The following MKLN1 variants were observed in gnomAD, a reference collection of about 807,000 sequenced individuals.
MKLN1 encodes muskelin 1.
In MKLN1, 18 loss-of-function variants were observed where a neutral mutation model predicts 99.0. The observed-to-expected ratio is 0.18, with a 90% CI of 0.13 to 0.27. MKLN1 has a LOEUF of 0.27. MKLN1 is among the 10% of genes least tolerant of loss of function. The pLI is 1.00. For synonymous variants in MKLN1, 288 were observed against 293.2 expected (o/e 0.98, Z 0.18); for missense variants, 621 against 875.9 (o/e 0.71, Z 3.67).
intron 4 of MKLN1, among the ~76,000 whole-genome samples, chr7:131,392,708 C>T (rs188404502): frequency 2.6e-5 from 4 of 151,156 alleles, no homozygotes; most frequent in Non-Finnish European, 5.9e-5. Flanking sequence ...TGGGTTCAAG[C>T]GATTCTCCTG....
chr7:131,195,131 A>G (rs1796622283), intron 2 of MKLN1, among the ~76,000 whole-genome samples: 2 of 152,194 alleles, frequency 1.3e-5, no homozygotes, highest in African/African-American at 4.8e-5. Context: ...CTATTTTTCA[A>G]ATAGGAGATC....
intron 1 of MKLN1, among the ~76,000 whole-genome samples, chr7:131,329,317 C>T (rs982280899): frequency 1.3e-5 from 2 of 152,178 alleles, no homozygotes; most frequent in Admixed American, 6.5e-5. Flanking sequence ...TGAAGGGTGC[C>T]AAGTGACCTG....
intron 1 of MKLN1, among the ~76,000 whole-genome samples, chr7:131,120,506 G>A (rs1318421059): frequency 7.9e-6 from 1 of 125,924 alleles, no homozygotes; most frequent in Non-Finnish European, 1.6e-5. Context: ...CTGAGATCAC[G>A]CCACTGCACT....
chr7:131,477,493 C>T (rs749315418), intron 16 of MKLN1, among the ~76,000 whole-genome samples: 3 of 151,820 alleles, frequency 2.0e-5, no homozygotes, highest in Non-Finnish European at 2.9e-5. Context: ...GGTGACAGAG[C>T]GAGACCCTGC....
chr7:131,404,273 T>C (rs1794636094), intron 6 of MKLN1, among the ~76,000 whole-genome samples: 1 of 152,130 alleles, frequency 6.6e-6, no homozygotes, highest in African/African-American at 2.4e-5. Context: ...GAGTAGTAGC[T>C]TGGTAGAATT....
rs1797516157 is a variant in MKLN1 at position 131,494,915 on chromosome 7, A to T, written c.*7187A>T. On this transcript the variant is annotated 3_prime_UTR_variant, in exon 18 of 18. Transcript: ENST00000352689. ...CTTTATGCGTACATACTTTATAAATATACATACATACACATACACATACAT... is the reference window on the plus strand; with the variant it reads ...CTTTATGCGTACATACTTTATAAATTTACATACATACACATACACATACAT... 1 of 151,822 alleles carries T rather than the reference A, an allele frequency of 6.6e-6. No individual in the cohort carries two copies. Among genetic ancestry groups the T allele is most frequent in the Non-Finnish European group, 1.5e-5 (1 of 67,836 alleles). The allele number at this position is 151,822 out of a possible 1,614,324, so 9.4% of individuals were successfully genotyped here. A position where few individuals can be genotyped will look rare whatever the true frequency, so the allele number is the denominator to read the frequency against.
At chr7:131,271,716 TTGGTC>T (rs1797887810) in intron 3 of MKLN1, among the ~76,000 whole-genome samples, 1 of 151,748 alleles carries the variant, frequency 6.6e-6, no homozygotes, top group South Asian at 2.1e-4. Flanking sequence ...TGAGACCAGC[TTGGTC>T]AACATGGTGA....
At chr7:131,253,018 G>A (rs10260568) in intron 3 of MKLN1, among the ~76,000 whole-genome samples, 12,831 of 152,182 alleles carry the variant, frequency 0.084, 595 homozygotes, top group Middle Eastern at 0.14. Context: ...TGATTTCCAG[G>A]ATGGTAGTAT....
chr7:131,451,819 C>T (rs1205376841), intron 12 of MKLN1, among the ~76,000 whole-genome samples: 3 of 152,194 alleles, frequency 2.0e-5, no homozygotes, highest in Non-Finnish European at 4.4e-5. Flanking sequence ...CTGTATTTAA[C>T]ACTAATTGAA....
chr7:131,469,100 GCTGA>G (rs1796745313), intron 15 of MKLN1, among the ~76,000 whole-genome samples: 1 of 152,060 alleles, frequency 6.6e-6, no homozygotes, highest in South Asian at 2.1e-4. Flanking sequence ...ACTGACTACT[GCTGA>G]CTTTCTCCCA....
At chr7:131,421,551 A>G (rs573680250) in intron 8 of MKLN1, among the ~76,000 whole-genome samples, 1 of 152,326 alleles carries the variant, frequency 6.6e-6, no homozygotes, top group South Asian at 2.1e-4. Context: ...ATTGATTAAA[A>G]TGGTGATAAT....
At chr7:131,390,047 T>C (rs992616368) in intron 4 of MKLN1, among the ~76,000 whole-genome samples, 1 of 152,182 alleles carries the variant, frequency 6.6e-6, no homozygotes, top group Non-Finnish European at 1.5e-5. Context: ...AATTACTCTT[T>C]TGGAGCAAAC....
chr7:131,424,569 A>G (rs760010511), intron 8 of MKLN1, among the ~76,000 whole-genome samples: 1 of 152,154 alleles, frequency 6.6e-6, no homozygotes, highest in Admixed American at 6.5e-5. Context: ...TTACATTTCT[A>G]CATTATTTTT....
chr7:131,153,033 A>T (rs183338090), intron 2 of MKLN1, among the ~76,000 whole-genome samples: 5,419 of 138,204 alleles, frequency 0.039, 170 homozygotes, highest in African/African-American at 0.068. Flanking sequence ...ATATATATAT[A>T]TTTTTTTTTT....
intron 12 of MKLN1, among the ~76,000 whole-genome samples, chr7:131,454,890 C>A (rs1796289232): frequency 6.6e-6 from 1 of 152,068 alleles, no homozygotes; most frequent in African/African-American, 2.4e-5. Flanking sequence ...GAGAAGGCGG[C>A]CAAGAAAATT....
chr7:131,444,718 G>GAGT lies in MKLN1; in HGVS notation c.1396-1017_1396-1015dup, dbSNP rs60571380. ...GTGTGTACCACCACACCTGGGTTTT[G>GAGT]AGTAGTAGTAGTAGTAGTAGTAGTA... On this transcript the variant is annotated intron_variant, in intron 11 of 17. Coordinates refer to ENST00000352689, the MANE Select transcript of MKLN1 (RefSeq NM_013255.5). Among the ~76,000 whole-genome samples, 595 of 128,582 alleles carry GAGT rather than the reference G, an allele frequency of 4.6e-3. 9 individuals are homozygous for GAGT. Among genetic ancestry groups the GAGT allele is most frequent in the Admixed American group, 0.015 (182 of 12,236 alleles). 84.4% of individuals were successfully genotyped at this position (128,582 alleles called of 152,430 possible). A position where few individuals can be genotyped will look rare whatever the true frequency, so the allele number is the denominator to read the frequency against.
chr7:131,370,453 C>G (rs1204450562), intron 1 of MKLN1, among the ~76,000 whole-genome samples: 2 of 147,250 alleles, frequency 1.4e-5, no homozygotes, highest in Admixed American at 1.3e-4. Context: ...AGATGATTTC[C>G]TGTCACTATT....
At chr7:131,418,877 A>C (rs1795104046) in intron 8 of MKLN1, among the ~76,000 whole-genome samples, 1 of 152,242 alleles carries the variant, frequency 6.6e-6, no homozygotes, top group Non-Finnish European at 1.5e-5. Flanking sequence ...CCTGGAACTC[A>C]ATAGGAAAAG....
chr7:131,357,248 C>A (rs537194131), intron 1 of MKLN1, among the ~76,000 whole-genome samples: 2 of 152,258 alleles, frequency 1.3e-5, no homozygotes, highest in East Asian at 3.9e-4. Context: ...TTTTCTCGAA[C>A]TTCCTTTGTT....
Sources: allele counts gnomAD v4.1 joint callset (sites outside exome capture counted in the v4.1 genomes callset), GRCh38; gene constraint gnomAD v4.1.1; transcripts MANE v1.5; gene names NCBI Gene and HGNC (gene_info 2026-07-23, HGNC 2026-07-21).